The following GSDMA variants were observed in gnomAD, a reference collection of about 807,000 sequenced individuals.
GSDMA encodes gasdermin A, also known as gasdermin-A.
GSDMA carries 55 observed loss-of-function variants against 54.3 expected under a neutral mutation model. That is an observed-to-expected ratio of 1.01 (90% CI 0.82 to 1.27). GSDMA has a LOEUF of 1.27. Ranked by LOEUF, GSDMA falls within the 50% of genes most tolerant of loss-of-function variation. GSDMA has a pLI of 0.00. For synonymous variants in GSDMA, 211 were observed against 224.7 expected (o/e 0.94, Z 0.54); for missense variants, 542 against 542.6 (o/e 1.00, Z 0.01).
At chr17:39,972,201 C>T in intron 6 of GSDMA, 25 bp downstream of exon 6, 7 of 1,514,058 alleles carry the variant, frequency 4.6e-6, no homozygotes, top group Non-Finnish European at 6.4e-6. Flanking sequence ...TTACGGGCTT[C>T]CCACATCTTC....
In GSDMA at chr17:39,972,173, G is replaced by A. The variant is rs1388641490; in HGVS notation, c.700G>A (p.Gly234Arg). Residue 234 changes from glycine (G) to arginine (R), a missense_variant, in exon 6 of 12, where the codon GGA (glycine) becomes AGA (arginine). Physicochemically the swap from Gly to Arg is moderately radical, Grantham distance 125 (BLOSUM62 -2). Coordinates refer to ENST00000301659, the MANE Select transcript of GSDMA (RefSeq NM_178171.5). Reference sequence around the variant, plus strand: ...TGATAACATGCAAACCTTCCCTCCTGGAGGTAAGTGAAATTGCTTACGGGC... The same window carrying A: ...TGATAACATGCAAACCTTCCCTCCTAGAGGTAAGTGAAATTGCTTACGGGC... Reference protein sequence around the residue: ...CNDNMQTFPPGEKSGEEKVIL... With the variant: ...CNDNMQTFPPREKSGEEKVIL... 1 of 1,541,356 alleles carries A rather than the reference G, an allele frequency of 6.5e-7. No homozygotes were observed. Among genetic ancestry groups the A allele is most frequent in the Admixed American group, 1.8e-5 (1 of 55,866 alleles).
At chr17:39,967,479 A>G (rs955070800) in intron 3 of GSDMA, among the ~76,000 whole-genome samples, 2 of 152,310 alleles carry the variant, frequency 1.3e-5, no homozygotes, top group Non-Finnish European at 2.9e-5. Flanking sequence ...TGCGAGTAGA[A>G]CGAGCAGGAA....
At chr17:39,976,052 GAGATGC>G (rs1298871465) in intron 11 of GSDMA, 55 bp downstream of exon 11, 1 of 1,363,932 alleles carries the variant, frequency 7.3e-7, no homozygotes, top group Non-Finnish European at 1.0e-6. Flanking sequence ...GCAGCCAGTG[GAGATGC>G]AGATTTCGCC....
rs191833662 is a variant in GSDMA, at chr17:39,965,692, C to T, written c.5C>T (p.Thr2Ile). The part of the protein sequence containing the change: M[T>I]MFENVTRALA... ...CTCCCCACCTCCACAGAGACAATGA[C>T]CATGTTTGAAAATGTCACCCGGGCC... The change falls in exon 2 of 12, where the codon ACC (threonine) becomes ATC (isoleucine). Residue 2 changes from threonine to isoleucine, a missense_variant. Transcript: ENST00000301659. 3.6e-5 allele frequency: 58 copies of T among 1,603,082 alleles called. No homozygotes were observed. In the African/African-American group the frequency reaches 7.2e-4, roughly 20 times the overall value.
At chr17:39,965,475 T>C in intron 1 of GSDMA, 2 of 568,404 alleles carry the variant, frequency 3.5e-6, no homozygotes, top group South Asian at 4.3e-5. Context: ...GGCAACTCTT[T>C]CAACTCTCCA....
chr17:39,971,639 G>A lies in GSDMA; in HGVS notation c.655+19G>A. ...GAGTGGGGTGAGCAGAGACCCGCATGTTCTCCCCACAAGATGAGAATTACC... is the reference window on the plus strand; with the variant it reads ...GAGTGGGGTGAGCAGAGACCCGCATATTCTCCCCACAAGATGAGAATTACC... On this transcript the variant is annotated intron_variant, in intron 5 of 11. Transcript: ENST00000301659. 5 of 1,581,170 alleles carry A rather than the reference G, an allele frequency of 3.2e-6. No individual in the cohort carries two copies. Among genetic ancestry groups the A allele is most frequent in the Non-Finnish European group, 4.3e-6 (5 of 1,150,296 alleles).
At chr17:39,969,124 G>A (rs1432226431) in intron 3 of GSDMA, among the ~76,000 whole-genome samples, 3 of 152,102 alleles carry the variant, frequency 2.0e-5, no homozygotes, top group African/African-American at 7.2e-5. Context: ...GGGAAGCCAA[G>A]GCAGGATTGC....
intron 3 of GSDMA, 38 bp downstream of exon 3, chr17:39,966,475 G>A (rs1193647548): frequency 6.5e-7 from 1 of 1,537,820 alleles, no homozygotes; most frequent in Non-Finnish European, 8.8e-7. Flanking sequence ...CCGGGATGTG[G>A]GTGGGGCAGT....
Position 39,965,770 on chromosome 17 carries a change from T to C in GSDMA, c.83T>C (p.Ile28Thr). The part of the protein sequence containing the change: ...RGDLTPLDSL[I>T]DFKRFHPFCL... ...GACCTGACACCACTTGACAGCCTCA[T>C]CGACTTCAAGCGCTTCCATCCCTTC... is the stretch of plus-strand genomic sequence containing the variant. The change falls in exon 2 of 12, where the codon ATC becomes ACC. Residue 28 changes from isoleucine (I) to threonine (T), a missense_variant. By Grantham distance (89) the Ile-to-Thr change is moderately conservative. Transcript: ENST00000301659. 1 of 1,611,390 alleles carries C rather than the reference T, an allele frequency of 6.2e-7. No homozygotes were observed. The highest frequency in any genetic ancestry group is 1.1e-5 in the South Asian group (1 of 90,466).
intron 3 of GSDMA, among the ~76,000 whole-genome samples, chr17:39,967,920 C>T (rs892454888): frequency 3.3e-5 from 5 of 152,098 alleles, no homozygotes; most frequent in East Asian, 1.9e-4. Context: ...TGCAGTGGCA[C>T]GATCTCAGCT....
At chr17:39,968,337 G>GTTTTTTTTTTTTTT (rs1258985091) in intron 3 of GSDMA, among the ~76,000 whole-genome samples, 9 of 59,834 alleles carry the variant, frequency 1.5e-4, no homozygotes, top group African/African-American at 4.4e-4. Context: ...ACTGAGCCCG[G>GTTTTTTTTTTTTTT]TCTTTTTTTT....
chr17:39,966,209 G>A, intron 2 of GSDMA, 51 bp from the exon 3 acceptor site: 1 of 1,588,514 alleles, frequency 6.3e-7, no homozygotes, highest in Non-Finnish European at 8.6e-7. Context: ...TTACAGGCAT[G>A]AGTTACTGCA....
chr17:39,971,401 C>T lies in GSDMA; in HGVS notation c.559-123C>T, dbSNP rs193288699. 7.4e-6 allele frequency: 5 copies of T among 674,274 alleles called. No homozygotes were observed. The East Asian group carries it at 8.1e-5, about 11-fold the overall frequency. The allele number at this position is 674,274 out of a possible 1,614,324, so 41.8% of individuals were successfully genotyped here. On this transcript the variant is annotated intron_variant, in intron 4 of 11. Coordinates refer to ENST00000301659, the MANE Select transcript of GSDMA (RefSeq NM_178171.5). ...TCCAGACCAGGGACACCACTGAAGG[C>T]TTCCAGCTTCTTATCTCCCTGAAGG...
intron 11 of GSDMA, 79 bp downstream of exon 11, chr17:39,976,076 GGA>G: frequency 9.8e-7 from 1 of 1,023,830 alleles, no homozygotes; most frequent in South Asian, 1.4e-5. Context: ...GCCTAAGGAT[GGA>G]GCCATTCTGG....
chr17:39,975,909 G>A lies in GSDMA; in HGVS notation c.1022-15G>A, dbSNP rs758296028. 1.9e-6 allele frequency: 3 copies of A among 1,580,628 alleles called. No individual in the cohort carries two copies. Among genetic ancestry groups the A allele is most frequent in the Non-Finnish European group, 2.6e-6 (3 of 1,162,058 alleles). ...GCACCAGCAACACACATCTTTCTCT[G>A]CTTTTTTTCTCCAGAGCTAAGTGAA... On this transcript the variant is annotated splice_polypyrimidine_tract_variant and intron_variant, in intron 10 of 11. Transcript: ENST00000301659.
chr17:39,974,451 A>G (rs763266856), intron 9 of GSDMA, 24 bp downstream of exon 9: 5 of 1,554,398 alleles, frequency 3.2e-6, no homozygotes, highest in Non-Finnish European at 4.4e-6. Context: ...GGAAGTGGGG[A>G]AGGGTGGGAG....
In GSDMA at chr17:39,966,348, G is replaced by T. The variant is rs1264779724; in HGVS notation, c.303G>T (p.Val101=). 1 of 1,613,994 alleles carries T rather than the reference G, an allele frequency of 6.2e-7. No individual in the cohort carries two copies. The highest frequency in any genetic ancestry group is 8.5e-7 in the Non-Finnish European group (1 of 1,179,900). The change falls in exon 3 of 12, where the codon GTG becomes GTT. Residue 101 remains valine (V), a synonymous_variant. Transcript: ENST00000301659. ...TGGATGTACCAAAGACGGTGAAGGT[G>T]AAGGGAACGGCAGGGCTCTCGCAGA... ...GDVDVPKTVK[V]KGTAGLSQNS...
rs778101345 is a variant in GSDMA at position 39,966,411 on chromosome 17, C to T, written c.366C>T (p.Pro122=). 3 of 1,612,042 alleles carry T rather than the reference C, an allele frequency of 1.9e-6. No homozygotes were observed. Among genetic ancestry groups the T allele is most frequent in the South Asian group, 1.1e-5 (1 of 90,888 alleles). Residue 122 remains proline (P), a synonymous_variant, in exon 3 of 12, where the codon CCC becomes CCT. Coordinates refer to ENST00000301659, the MANE Select transcript of GSDMA (RefSeq NM_178171.5). ...TLEVQTLSVA[P]KALETVQERK... is the part of the protein sequence containing the mutation. ...AGGTCCAGACACTCAGTGTGGCTCC[C>T]AAGGCCCTGGAGACCGTGCAGGAGA...
intron 3 of GSDMA, among the ~76,000 whole-genome samples, chr17:39,966,666 T>C (rs1363900941): frequency 6.6e-6 from 1 of 152,190 alleles, no homozygotes; most frequent in Non-Finnish European, 1.5e-5. Flanking sequence ...CTCCCCACTG[T>C]CACGCATGCA....
Sources: allele counts gnomAD v4.1 joint callset (sites outside exome capture counted in the v4.1 genomes callset), GRCh38; gene constraint gnomAD v4.1.1; transcripts MANE v1.5; gene names NCBI Gene and HGNC (gene_info 2026-07-23, HGNC 2026-07-21).